The following CNGB3 variants were observed in gnomAD, a reference collection of about 807,000 sequenced individuals.
CNGB3 encodes the protein cyclic nucleotide gated channel subunit beta 3.
In CNGB3, 86 loss-of-function variants were observed where a neutral mutation model predicts 92.8. The observed-to-expected ratio is 0.93, with a 90% CI of 0.78 to 1.11. The LOEUF is 1.11. Ranked by LOEUF, CNGB3 falls within the 50% of genes least tolerant of loss-of-function variation. The pLI is 0.00. For missense variants in CNGB3, 1,026 were observed against 956.8 expected (o/e 1.07, Z -0.95); for synonymous variants, 333 against 332.7 (o/e 1.00, Z -0.01).
chr8:86,661,330 C>A (rs180848716), intron 6 of CNGB3: 1 of 394,904 alleles, frequency 2.5e-6, no homozygotes, highest in Admixed American at 3.2e-5. Context: ...TGAATAAATC[C>A]TTTTCAAGCA....
chr8:86,735,697 G>C (rs1391031051), intron 2 of CNGB3, among the ~76,000 whole-genome samples: 1 of 152,034 alleles, frequency 6.6e-6, no homozygotes, highest in Non-Finnish European at 1.5e-5. Flanking sequence ...ACTCTTATAA[G>C]GACCCCTTGA....
intron 3 of CNGB3, among the ~76,000 whole-genome samples, chr8:86,673,781 G>A (rs1014490258): frequency 2.7e-4 from 11 of 40,090 alleles, no homozygotes; most frequent in South Asian, 2.7e-3. Context: ...ATGAAGTAGC[G>A]GCATGAAAAA....
At chr8:86,653,076 C>T (rs563741356) in intron 7 of CNGB3, among the ~76,000 whole-genome samples, 121 of 152,034 alleles carry the variant, frequency 8.0e-4, no homozygotes, top group African/African-American at 2.9e-3. Flanking sequence ...TTTTTCGGCT[C>T]CCTTATAATC....
At chr8:86,602,893 C>T (rs1009294002) in intron 15 of CNGB3, among the ~76,000 whole-genome samples, 1 of 152,200 alleles carries the variant, frequency 6.6e-6, no homozygotes, top group African/African-American at 2.4e-5. Context: ...CCTATCATGG[C>T]GTAAAAGACC....
chr8:86,742,824 A>C (rs1424289031), intron 1 of CNGB3, among the ~76,000 whole-genome samples: 2 of 152,190 alleles, frequency 1.3e-5, no homozygotes, highest in Non-Finnish European at 2.9e-5. Flanking sequence ...TAGTTCTCAT[A>C]ACAAAGCAGA....
At chr8:86,665,768 G>C (rs1440850467) in intron 6 of CNGB3, among the ~76,000 whole-genome samples, 2 of 152,168 alleles carry the variant, frequency 1.3e-5, no homozygotes, top group Non-Finnish European at 2.9e-5. Context: ...GAGGAAGTGG[G>C]GGAGGGCAGA....
At chr8:86,659,306 C>A in intron 6 of CNGB3, 1 of 1,117,658 alleles carries the variant, frequency 8.9e-7, no homozygotes, top group Non-Finnish European at 1.4e-6. Flanking sequence ...GGTGTGCTTC[C>A]AGCTGTGCCT....
intron 6 of CNGB3, chr8:86,660,675 A>G: frequency 1.9e-6 from 1 of 531,770 alleles, no homozygotes; most frequent in South Asian, 1.4e-5. Context: ...GTGTAGGCAC[A>G]GCTACAGCCC....
intron 10 of CNGB3, among the ~76,000 whole-genome samples, chr8:86,636,812 G>A (rs1016693368): frequency 6.6e-6 from 1 of 151,984 alleles, no homozygotes; most frequent in Non-Finnish European, 1.5e-5. Flanking sequence ...GACTCTTTTA[G>A]ATTCCACATA....
At chr8:86,691,760 T>A (rs1444801125) in intron 3 of CNGB3, among the ~76,000 whole-genome samples, 2 of 152,174 alleles carry the variant, frequency 1.3e-5, no homozygotes, top group East Asian at 3.9e-4. Flanking sequence ...TCTTTTCTTC[T>A]GCTGGGTTGT....
At chr8:86,680,777 C>T (rs764883903) in intron 3 of CNGB3, among the ~76,000 whole-genome samples, 3 of 151,926 alleles carry the variant, frequency 2.0e-5, no homozygotes, top group Non-Finnish European at 4.4e-5. Flanking sequence ...AATGGCGTAC[C>T]AAGTTGTGGG....
intron 3 of CNGB3, among the ~76,000 whole-genome samples, chr8:86,700,418 A>G (rs1026052563): frequency 6.6e-6 from 1 of 152,244 alleles, no homozygotes; most frequent in African/African-American, 2.4e-5. Flanking sequence ...TTTAAGTGAT[A>G]GTCATGGTAA....
At chr8:86,602,590 G>A (rs1822328811) in intron 15 of CNGB3, among the ~76,000 whole-genome samples, 1 of 152,098 alleles carries the variant, frequency 6.6e-6, no homozygotes, top group Admixed American at 6.6e-5. Flanking sequence ...TATAGTACTT[G>A]GCATCTTGGG....
intron 13 of CNGB3, among the ~76,000 whole-genome samples, chr8:86,615,684 C>T (rs1822606454): frequency 6.6e-6 from 1 of 151,818 alleles, no homozygotes; most frequent in Non-Finnish European, 1.5e-5. Flanking sequence ...TTAAACTCAA[C>T]CAATAGTGTG....
intron 13 of CNGB3, 42 bp downstream of exon 13, chr8:86,625,941 A>T: frequency 6.8e-7 from 1 of 1,471,822 alleles, no homozygotes; most frequent in Non-Finnish European, 9.5e-7. Flanking sequence ...TAGATTCCAT[A>T]GAGAAATAGA....
chr8:86,576,055 G>A lies in CNGB3; in HGVS notation c.2179C>T (p.Gln727Ter). The A allele has an allele frequency of 6.3e-7, 1 of 1,596,186 alleles. No homozygotes were observed. Among genetic ancestry groups the A allele is most frequent in the Non-Finnish European group, 8.5e-7 (1 of 1,170,928 alleles). Residue 727 changes from glutamine (Q) to a stop codon, truncating the protein, a stop_gained, in exon 18 of 18, where the codon CAA becomes TAA. Transcript: ENST00000320005. LOFTEE classifies it low-confidence loss of function (END_TRUNC). ...EDKQKENEDK[Q>*]KENEDKGKEN... is the part of the protein sequence containing the mutation. ...TTTCCTTTATCTTCATTTTCTTTTTGTTTATCTTCATTTTCTTTTTGTTTA... is the reference window on the plus strand; with the variant it reads ...TTTCCTTTATCTTCATTTTCTTTTTATTTATCTTCATTTTCTTTTTGTTTA...
chr8:86,589,165 C>T (rs899581943), intron 15 of CNGB3, among the ~76,000 whole-genome samples: 7 of 149,278 alleles, frequency 4.7e-5, no homozygotes, highest in African/African-American at 1.5e-4. Context: ...GTTTGTATTT[C>T]TGTGGGATCG....
intron 7 of CNGB3, among the ~76,000 whole-genome samples, chr8:86,651,274 C>A (rs1183955178): frequency 6.6e-6 from 1 of 151,560 alleles, no homozygotes; most frequent in East Asian, 1.9e-4. Context: ...ATCCATGTAA[C>A]CAAAAACCAC....
At chr8:86,685,266 T>G (rs1824164192) in intron 3 of CNGB3, among the ~76,000 whole-genome samples, 1 of 152,060 alleles carries the variant, frequency 6.6e-6, no homozygotes, top group Admixed American at 6.6e-5. Context: ...GCATACCTAC[T>G]TATGCAGAAC....
Sources: allele counts gnomAD v4.1 joint callset (sites outside exome capture counted in the v4.1 genomes callset), GRCh38; gene constraint gnomAD v4.1.1; transcripts MANE v1.5; gene names NCBI Gene and HGNC (gene_info 2026-07-23, HGNC 2026-07-21).